The following EML6 variants were observed in gnomAD, a reference collection of about 807,000 sequenced individuals.
EML6 encodes echinoderm microtubule-associated protein-like 6.
EML6 carries 154 observed loss-of-function variants against 240.1 expected under a neutral mutation model. The observed-to-expected ratio is 0.64, with a 90% confidence interval of 0.56 to 0.73. The LOEUF is 0.73. EML6 is among the 30% of genes least tolerant of loss of function. The probability of loss-of-function intolerance (pLI) is 0.00; values close to 1 mark genes in which losing one functional copy is unlikely to be tolerated. For synonymous variants in EML6, 1,148 were observed against 899.0 expected, an observed-to-expected ratio of 1.28 and a Z score of -4.95; for missense variants, 2,964 against 2,474.6, an observed-to-expected ratio of 1.20 and a Z score of -4.20.
At chr2:54,963,876 C>T in intron 36 of EML6, 110 bp from the exon 37 acceptor site, 1 of 919,384 alleles carries the variant, frequency 1.1e-6, no homozygotes, top group Non-Finnish European at 1.6e-6. Context: ...ATTTGGTGGC[C>T]TGCAGTGGCT....
chr2:54,946,855 CAT>C (rs5831330), intron 28 of EML6, among the ~76,000 whole-genome samples: 14,627 of 151,814 alleles, frequency 0.096, 737 homozygotes, highest in Middle Eastern at 0.15. Context: ...CAGCTGTAAA[CAT>C]ATGCTTGCGA....
At chr2:54,901,241 T>C (rs1673041797) in intron 22 of EML6, among the ~76,000 whole-genome samples, 1 of 152,208 alleles carries the variant, frequency 6.6e-6, no homozygotes, top group African/African-American at 2.4e-5. Context: ...ACCCATGCAG[T>C]GTGACTGTGA....
At chr2:54,959,358 ATCC>A in intron 34 of EML6, 97 bp downstream of exon 34, 1 of 1,190,188 alleles carries the variant, frequency 8.4e-7, no homozygotes, top group South Asian at 1.6e-5. Flanking sequence ...GCAGACTGTC[ATCC>A]TCCTATCTTT....
chr2:54,844,727 G>A (rs905396311), intron 8 of EML6, among the ~76,000 whole-genome samples: 12 of 152,168 alleles, frequency 7.9e-5, no homozygotes, highest in Admixed American at 3.3e-4. Context: ...ATTTTGAACA[G>A]CATCATCAGA....
chr2:54,785,129 A>G (rs996203642), intron 2 of EML6, among the ~76,000 whole-genome samples: 2 of 151,154 alleles, frequency 1.3e-5, no homozygotes, highest in Admixed American at 6.6e-5. Context: ...GATGAAAAAT[A>G]CGAGAGAACT....
chr2:54,725,264 G>C lies in EML6; in HGVS notation c.197+6G>C, dbSNP rs565062977. ...CACAACGACGACATTATCAGGTAAG[G>C]GGGTGGCCAGGGGCGGCGGGGAGGG... On this transcript the variant is annotated splice_donor_region_variant and intron_variant, in intron 2 of 41. Coordinates refer to ENST00000356458, the MANE Select transcript of EML6 (RefSeq NM_001039753.4). This position sits in a 1 kb window ranked among gnomAD's most constrained non-coding sequence, Gnocchi z 4.3. 67 of 1,412,710 alleles carry C rather than the reference G, an allele frequency of 4.7e-5. No individual in the cohort carries two copies. Among genetic ancestry groups the C allele is most frequent in the Admixed American group, 3.6e-4 (13 of 36,148 alleles). The allele number at this position is 1,412,710 out of a possible 1,614,324, so 87.5% of individuals were successfully genotyped here.
At chr2:54,815,868 C>T (rs1010697571) in intron 3 of EML6, among the ~76,000 whole-genome samples, 1 of 152,186 alleles carries the variant, frequency 6.6e-6, no homozygotes, top group Non-Finnish European at 1.5e-5. Context: ...ACTCAGTACT[C>T]ACACACTCTT....
chr2:54,875,234 C>A (rs1391966888), intron 16 of EML6, among the ~76,000 whole-genome samples: 2 of 152,218 alleles, frequency 1.3e-5, no homozygotes. Flanking sequence ...AGCCCAGAAA[C>A]ACACACTTAC....
intron 1 of EML6, 141 bp downstream of exon 1, chr2:54,723,918 C>T (rs1682793985): frequency 2.0e-5 from 3 of 152,444 alleles, no homozygotes; most frequent in Admixed American, 2.0e-4. Flanking sequence ...GCGCCGACCC[C>T]CGGGACGTGT....
chr2:54,777,919 AATATTTAC>A, intron 2 of EML6, among the ~76,000 whole-genome samples: 1 of 152,342 alleles, frequency 6.6e-6, no homozygotes, highest in East Asian at 1.9e-4. Context: ...ATTTTTGGGG[AATATTTAC>A]ATATGAAAAA....
At chr2:54,855,585 A>T (rs1286969434) in intron 11 of EML6, among the ~76,000 whole-genome samples, 1 of 152,038 alleles carries the variant, frequency 6.6e-6, no homozygotes, top group Non-Finnish European at 1.5e-5. Context: ...CATAAAAAAC[A>T]GCTCTTTGGA....
intron 5 of EML6, among the ~76,000 whole-genome samples, chr2:54,821,707 CT>C (rs1463615793): frequency 2.0e-5 from 3 of 151,876 alleles, no homozygotes; most frequent in Non-Finnish European, 4.4e-5. Flanking sequence ...AAAAATAGAC[CT>C]TAATATGTAT....
chr2:54,897,869 C>A (rs951626468), intron 21 of EML6, among the ~76,000 whole-genome samples: 3 of 152,050 alleles, frequency 2.0e-5, no homozygotes, highest in African/African-American at 7.2e-5. Flanking sequence ...AGGACCGTGT[C>A]ACAGTCCTGT....
chr2:54,936,340 C>G (rs984669232), intron 28 of EML6, among the ~76,000 whole-genome samples: 2 of 152,196 alleles, frequency 1.3e-5, no homozygotes, highest in South Asian at 2.1e-4. Context: ...CTAGTTACAT[C>G]TGGTGGAGCC....
intron 26 of EML6, among the ~76,000 whole-genome samples, chr2:54,920,492 G>T (rs949040466): frequency 1.3e-5 from 2 of 152,146 alleles, no homozygotes; most frequent in African/African-American, 4.8e-5. Context: ...GATCAATAAT[G>T]CACAAGAGAT....
intron 2 of EML6, among the ~76,000 whole-genome samples, chr2:54,788,679 C>G (rs1411004747): frequency 1.3e-5 from 2 of 152,144 alleles, no homozygotes; most frequent in Non-Finnish European, 2.9e-5. Context: ...AATAGAATGG[C>G]TTATCAGTCA....
chr2:54,869,900 C>T (rs1671164453), intron 15 of EML6, among the ~76,000 whole-genome samples: 1 of 152,054 alleles, frequency 6.6e-6, no homozygotes, highest in South Asian at 2.1e-4. Flanking sequence ...AACAGGGACC[C>T]TCTACAATCA....
At chr2:54,765,361 A>G (rs1440997810) in intron 2 of EML6, among the ~76,000 whole-genome samples, 2 of 152,240 alleles carry the variant, frequency 1.3e-5, no homozygotes, top group Non-Finnish European at 2.9e-5. Context: ...CTATAATTTT[A>G]GCATTTAATT....
Position 54,859,587 on chromosome 2 carries a change from T to G in EML6, c.1711T>G (p.Trp571Gly), listed in dbSNP as rs1270026967. ...GHSAHVTNVR[W>G]SHDFQWVLST... ...TTCTGCACATGTCACAAATGTCCGC[T>G]GGTCCCATGACTTTCAGTGGGTGTT... The change falls in exon 12 of 42, where the codon TGG (tryptophan) becomes GGG (glycine). Residue 571 changes from tryptophan to glycine, a missense_variant. Transcript: ENST00000356458. 1 of 1,551,450 alleles carries G rather than the reference T, an allele frequency of 6.4e-7. No homozygotes were observed. The highest frequency in any genetic ancestry group is 2.4e-5 in the East Asian group (1 of 40,910).
Sources: allele counts gnomAD v4.1 joint callset (sites outside exome capture counted in the v4.1 genomes callset), GRCh38; gene constraint gnomAD v4.1.1; non-coding constraint Gnocchi (gnomAD v3.1); transcripts MANE v1.5; gene names NCBI Gene and HGNC (gene_info 2026-07-23, HGNC 2026-07-21).